The following FARS2 variants were observed in gnomAD, a reference collection of about 807,000 sequenced individuals.
The protein encoded by FARS2 is phenylalanine--tRNA ligase, mitochondrial.
Under a neutral mutation model 46.4 loss-of-function variants are expected in FARS2, and 40 were observed. The observed-to-expected ratio is 0.86, with a 90% CI of 0.67 to 1.12. The LOEUF is 1.12. FARS2 is among the 50% of genes most tolerant of loss of function. FARS2 has a pLI of 0.00. For synonymous variants in FARS2, 234 were observed against 214.9 expected (o/e 1.09, Z -0.78); for missense variants, 513 against 567.9 (o/e 0.90, Z 0.98).
chr6:5,676,775 A>G lies in FARS2; in HGVS notation c.1217+63455A>G, dbSNP rs557898055. Among the ~76,000 whole-genome samples, 129 of 152,336 alleles carry G rather than the reference A, an allele frequency of 8.5e-4. 2 individuals are homozygous for G. The highest frequency in any genetic ancestry group is 3.4e-3 in the Middle Eastern group (1 of 294). ...ATGTTAGAGAAAATCTTGGTAGTCA[A>G]TCTCAAGTGTATGCCCCGTCTTATG... On this transcript the variant is annotated intron_variant, in intron 6 of 6. Coordinates refer to ENST00000274680, the MANE Select transcript of FARS2 (RefSeq NM_006567.5).
intron 2 of FARS2, among the ~76,000 whole-genome samples, chr6:5,389,827 TTTTGTTTTTGTCG>T (rs1428283549): frequency 6.6e-6 from 1 of 151,014 alleles, no homozygotes; most frequent in Non-Finnish European, 1.5e-5. Context: ...ACTACAGTTT[TTTTGTTTTTGTCG>T]TTGTTGTTGT....
At chr6:5,428,429 C>A (rs1762969630) in intron 3 of FARS2, among the ~76,000 whole-genome samples, 1 of 152,136 alleles carries the variant, frequency 6.6e-6, no homozygotes. Flanking sequence ...TATATGAAAT[C>A]ATGATGTTAA....
intron 6 of FARS2, among the ~76,000 whole-genome samples, chr6:5,739,269 G>A (rs1761157603): frequency 6.6e-6 from 1 of 151,698 alleles, no homozygotes; most frequent in African/African-American, 2.4e-5. Context: ...GCCAAGGTAG[G>A]AGGATTGCTT....
intron 4 of FARS2, among the ~76,000 whole-genome samples, chr6:5,476,227 C>T (rs1766113734): frequency 6.6e-6 from 1 of 152,118 alleles, no homozygotes; most frequent in Admixed American, 6.5e-5. Flanking sequence ...TGGAACATGC[C>T]CACACCTAGA....
At chr6:5,381,613 C>G (rs1372821413) in intron 2 of FARS2, among the ~76,000 whole-genome samples, 3 of 152,202 alleles carry the variant, frequency 2.0e-5, no homozygotes, top group African/African-American at 4.8e-5. Flanking sequence ...GCAATCCTCT[C>G]TCTTTCCACA....
At chr6:5,502,632 A>G (rs1366940918) in intron 4 of FARS2, among the ~76,000 whole-genome samples, 1 of 152,264 alleles carries the variant, frequency 6.6e-6, no homozygotes, top group Non-Finnish European at 1.5e-5. Flanking sequence ...CATTTCAAAG[A>G]TGAGCATGTA....
At chr6:5,703,132 A>G (rs1758542305) in intron 6 of FARS2, among the ~76,000 whole-genome samples, 2 of 152,246 alleles carry the variant, frequency 1.3e-5, no homozygotes, top group Non-Finnish European at 2.9e-5. Context: ...GTCAAAAGCA[A>G]ATATAGCTGC....
rs76136669 is a variant in FARS2, at chr6:5,611,471, A to T, written c.1066-1698A>T. 1.6e-4 allele frequency among the ~76,000 whole-genome samples: 25 copies of T among 152,280 alleles called. No individual in the cohort carries two copies. The East Asian group carries it at 4.4e-3, about 27-fold the overall frequency. ...GAAAGCCCACATCTCAGTAACCATG[A>T]TCTGTAGTTAGCCTCTTATTTCCCA... On this transcript the variant is annotated intron_variant, in intron 5 of 6. Transcript: ENST00000274680.
intron 6 of FARS2, among the ~76,000 whole-genome samples, chr6:5,654,482 G>A (rs147021518): frequency 1.6e-3 from 239 of 152,316 alleles, no homozygotes; most frequent in Admixed American, 4.2e-3. Context: ...ACTGCATCAA[G>A]TGCCTCTGGG....
At chr6:5,721,674 T>G (rs1759920483) in intron 6 of FARS2, among the ~76,000 whole-genome samples, 1 of 152,236 alleles carries the variant, frequency 6.6e-6, no homozygotes, top group African/African-American at 2.4e-5. Context: ...CAGGAATGCC[T>G]TAAGTATTGG....
In FARS2 at chr6:5,311,542, C is replaced by T. The variant is rs938251575; in HGVS notation, c.-22+49882C>T. 3.9e-5 allele frequency among the ~76,000 whole-genome samples: 6 copies of T among 152,048 alleles called. No homozygotes were observed. The highest frequency in any genetic ancestry group is 2.0e-4 in the Admixed American group (3 of 15,282). ...TAAAACATGCATACACCTGCACGAC[C>T]CTAATAAATGTTCCTTAGAAAAAAA... On this transcript the variant is annotated intron_variant, in intron 1 of 6. Coordinates refer to ENST00000274680, the MANE Select transcript of FARS2 (RefSeq NM_006567.5). The surrounding 1 kb of genome is among the most constrained non-coding windows in gnomAD (Gnocchi z 4.1).
intron 2 of FARS2, among the ~76,000 whole-genome samples, chr6:5,399,926 T>A (rs7760135): frequency 6.6e-6 from 1 of 152,008 alleles, no homozygotes; most frequent in African/African-American, 2.4e-5. Flanking sequence ...AATACTACAA[T>A]GAAAATTTTG....
intron 5 of FARS2, among the ~76,000 whole-genome samples, chr6:5,580,616 T>G (rs1343311794): frequency 6.6e-6 from 1 of 152,172 alleles, no homozygotes; most frequent in Non-Finnish European, 1.5e-5. Context: ...AATGCCTCCC[T>G]CGCTCATATC....
At chr6:5,286,282 A>T (rs896146574) in intron 1 of FARS2, among the ~76,000 whole-genome samples, 3 of 151,930 alleles carry the variant, frequency 2.0e-5, no homozygotes, top group Admixed American at 1.3e-4. Context: ...TTTTTTTTGG[A>T]GACAGAGTCT....
chr6:5,298,898 T>A (rs1294063249), intron 1 of FARS2, among the ~76,000 whole-genome samples: 1 of 151,504 alleles, frequency 6.6e-6, no homozygotes, highest in Non-Finnish European at 1.5e-5. Context: ...CAAAAATGTC[T>A]TGTCTTTTCT....
At chr6:5,746,426 C>G (rs1257773535) in intron 6 of FARS2, among the ~76,000 whole-genome samples, 1 of 152,162 alleles carries the variant, frequency 6.6e-6, no homozygotes, top group Non-Finnish European at 1.5e-5. Context: ...GGAGTGCAAT[C>G]CAGACAGCAG....
chr6:5,540,233 T>G (rs983610541), intron 4 of FARS2, among the ~76,000 whole-genome samples: 1 of 152,218 alleles, frequency 6.6e-6, no homozygotes, highest in Non-Finnish European at 1.5e-5. Context: ...ACTCATACCT[T>G]TATTTCTTAT....
At chr6:5,661,642 C>T (rs1019774989) in intron 6 of FARS2, among the ~76,000 whole-genome samples, 1 of 152,100 alleles carries the variant, frequency 6.6e-6, no homozygotes, top group African/African-American at 2.4e-5. Flanking sequence ...AACAAAAAGC[C>T]ATTGCATTTA....
intron 2 of FARS2, among the ~76,000 whole-genome samples, chr6:5,379,901 T>G (rs1284182712): frequency 6.6e-6 from 1 of 152,192 alleles, no homozygotes; most frequent in Non-Finnish European, 1.5e-5. Flanking sequence ...TTTCAAGGAC[T>G]CAACTCAGTT....
Sources: allele counts gnomAD v4.1 joint callset (sites outside exome capture counted in the v4.1 genomes callset), GRCh38; gene constraint gnomAD v4.1.1; non-coding constraint Gnocchi (gnomAD v3.1); transcripts MANE v1.5; gene names NCBI Gene and HGNC (gene_info 2026-07-23, HGNC 2026-07-21).